SHPRH: variants seen among roughly 807,000 people sequenced by gnomAD.
SHPRH encodes the protein E3 ubiquitin-protein ligase SHPRH.
Under a neutral mutation model 202.5 loss-of-function variants are expected in SHPRH, and 106 were observed. The observed-to-expected ratio is 0.52, with a 90% CI of 0.45 to 0.62. SHPRH has a LOEUF of 0.62. Among genes scored for constraint, SHPRH ranks in the 20% least tolerant of loss-of-function variants. The probability of loss-of-function intolerance (pLI) is 0.00; values close to 1 mark genes in which losing one functional copy is unlikely to be tolerated. For missense variants in SHPRH, 1,710 were observed against 2,020.0 expected, an observed-to-expected ratio of 0.85 and a Z score of 2.94; for synonymous variants, 729 against 686.0, an observed-to-expected ratio of 1.06 and a Z score of -0.98.
intron 25 of SHPRH, among the ~76,000 whole-genome samples, chr6:145,899,359 A>G (rs763171186): frequency 6.6e-6 from 1 of 152,138 alleles, no homozygotes; most frequent in Non-Finnish European, 1.5e-5. Context: ...AGACCAATGG[A>G]ACAGGAGAGA....
At position 145,923,270 on chromosome 6, in the gene SHPRH, A is replaced by AAT. The variant is rs141635836; in HGVS notation, c.3545+371_3545+372dup. Among the ~76,000 whole-genome samples the AAT allele has an allele frequency of 3.9e-3, 593 of 150,426 alleles. 5 individuals carry two copies. Among genetic ancestry groups the AAT allele is most frequent in the African/African-American group, 0.011 (457 of 41,188 alleles). ...GGCTAAGAGTTATATTCCTTGGTTGAATATATATATATATGTATATATACT... is the reference window on the plus strand; with the variant it reads ...GGCTAAGAGTTATATTCCTTGGTTGAATATATATATATATATGTATATATACT... On this transcript the variant is annotated intron_variant, in intron 18 of 29. Transcript: ENST00000275233.
chr6:145,871,972 G>T (rs1007842580), intron 2 of SHPRH, among the ~76,000 whole-genome samples: 1 of 152,166 alleles, frequency 6.6e-6, no homozygotes, highest in Admixed American at 6.5e-5. Flanking sequence ...AATAAATGGT[G>T]CTGGGAGAAC....
chr6:145,939,214 G>C (rs111884512), intron 11 of SHPRH, among the ~76,000 whole-genome samples: 4 of 152,140 alleles, frequency 2.6e-5, no homozygotes, highest in African/African-American at 9.7e-5. Flanking sequence ...GAGAGATATG[G>C]AAGTGAGGAA....
Position 145,886,077 on chromosome 6 carries a change from T to C in SHPRH, c.*614A>G, listed in dbSNP as rs913874920. The C allele has an allele frequency of 6.0e-6, 1 of 165,720 alleles. No individual in the cohort carries two copies. Among genetic ancestry groups the C allele is most frequent in the East Asian group, 1.6e-4 (1 of 6,174 alleles). 10.3% of individuals were successfully genotyped at this position (165,720 alleles called of 1,614,324 possible). ...TTACACATAATAGAAATATGAATAT[T>C]TTCATTGTTTTTGTTTTCAGTAGCA... On this transcript the variant is annotated 3_prime_UTR_variant, in exon 30 of 30. Coordinates refer to ENST00000275233, the MANE Select transcript of SHPRH (RefSeq NM_001042683.3).
chr6:145,864,943 TCACACACA>T (rs71552940), intron 2 of SHPRH, among the ~76,000 whole-genome samples: 22 of 102,702 alleles, frequency 2.1e-4, no homozygotes, highest in African/African-American at 4.8e-4. Context: ...ACACACACAC[TCACACACA>T]CACACACACA....
intron 2 of SHPRH, among the ~76,000 whole-genome samples, chr6:145,867,623 T>TAGAG (rs1562268495): frequency 2.2e-4 from 15 of 68,434 alleles, no homozygotes; most frequent in African/African-American, 8.1e-4. Context: ...TATATATATA[T>TAGAG]ATATATATAG....
rs920445029 is a variant in SHPRH at position 145,901,673 on chromosome 6, G to A, written c.4516-6696C>T. On this transcript the variant is annotated intron_variant, in intron 25 of 29. Transcript: ENST00000275233. ...TATGCATTAGGGAAGACTGTACATGGGAACAGAAATCCCATACAACTGCTA... is the reference window on the plus strand; with the variant it reads ...TATGCATTAGGGAAGACTGTACATGAGAACAGAAATCCCATACAACTGCTA... Among the ~76,000 whole-genome samples, 5 of 152,136 alleles carry A rather than the reference G, an allele frequency of 3.3e-5. No individual in the cohort carries two copies. In the East Asian group the frequency reaches 5.8e-4, roughly 18 times the overall value.
chr6:145,915,603 TTC>T (rs552534782), intron 23 of SHPRH, among the ~76,000 whole-genome samples: 3 of 152,210 alleles, frequency 2.0e-5, no homozygotes, highest in African/African-American at 7.2e-5. Flanking sequence ...TTTGAAGATG[TTC>T]CAATGTCAAC....
downstream of SHPRH, among the ~76,000 whole-genome samples, chr6:145,881,923 G>C (rs903247611): frequency 6.6e-6 from 1 of 152,010 alleles, no homozygotes; most frequent in East Asian, 1.9e-4. Flanking sequence ...GGGCAACATA[G>C]CGAAACGCTG....
chr6:145,904,952 C>T (rs7762880), intron 25 of SHPRH: 1 of 151,998 alleles, frequency 6.6e-6, no homozygotes. Flanking sequence ...TGTAACTGTG[C>T]CAATCTCTAT....
intron 13 of SHPRH, among the ~76,000 whole-genome samples, chr6:145,934,152 A>C (rs1339570345): frequency 6.6e-6 from 1 of 152,086 alleles, no homozygotes; most frequent in Non-Finnish European, 1.5e-5. Flanking sequence ...CAGCTCAGGC[A>C]ACATAGCGAG....
chr6:145,880,490 G>A (rs1057006469), downstream of SHPRH, among the ~76,000 whole-genome samples: 99 of 152,110 alleles, frequency 6.5e-4, no homozygotes, highest in African/African-American at 2.3e-3. Flanking sequence ...TCATCCTAGT[G>A]TGGTGGCATG....
chr6:145,921,458 G>A (rs1583402300), intron 20 of SHPRH, 66 bp from the exon 21 acceptor site: 2 of 1,439,498 alleles, frequency 1.4e-6, no homozygotes, highest in East Asian at 2.3e-5. Flanking sequence ...CCTTCAATGT[G>A]AGTTCTAAAA....
Position 145,934,957 on chromosome 6 carries a change from G to C in SHPRH, c.2940C>G (p.Ala980=). The change falls in exon 13 of 30, where the codon GCC becomes GCG. Residue 980 remains alanine (A), a synonymous_variant. Coordinates refer to ENST00000275233, the MANE Select transcript of SHPRH (RefSeq NM_001042683.3). ...ILYPLLRLRQ[A]CCHPQAVRGE... Reference sequence around the variant, plus strand: ...CACGAACAGCCTGTGGGTGACAGCAGGCCTGTCTGAGCCTCAGCAATGGAT... The same window carrying C: ...CACGAACAGCCTGTGGGTGACAGCACGCCTGTCTGAGCCTCAGCAATGGAT... 1 of 1,613,428 alleles carries C rather than the reference G, an allele frequency of 6.2e-7. No individual in the cohort carries two copies.
chr6:145,924,981 T>G (rs559337378), intron 16 of SHPRH, 135 bp from the exon 17 acceptor site: 8 of 530,652 alleles, frequency 1.5e-5, no homozygotes, highest in Non-Finnish European at 2.4e-5. Flanking sequence ...CCAAGTATAC[T>G]GTAGAGAACA....
chr6:145,922,603 T>C, intron 19 of SHPRH, 60 bp downstream of exon 19: 2 of 1,516,888 alleles, frequency 1.3e-6, no homozygotes, highest in Middle Eastern at 1.8e-4. Flanking sequence ...GTTTCTTCTC[T>C]AAGAAATCTA....
intron 11 of SHPRH, among the ~76,000 whole-genome samples, chr6:145,937,109 G>T (rs556088921): frequency 3.3e-5 from 5 of 150,290 alleles, no homozygotes; most frequent in Non-Finnish European, 7.4e-5. Context: ...TCAGCCTCCC[G>T]ACTAGCTGGG....
chr6:145,918,062 G>T, intron 23 of SHPRH, 69 bp downstream of exon 23: 2 of 1,162,386 alleles, frequency 1.7e-6, no homozygotes, highest in Non-Finnish European at 2.5e-6. Flanking sequence ...CATTAATTAT[G>T]AAAGGAGTCA....
intron 1 of SHPRH, among the ~76,000 whole-genome samples, chr6:145,957,526 A>T (rs992693644): frequency 5.9e-5 from 9 of 152,198 alleles, no homozygotes; most frequent in African/African-American, 1.9e-4. Flanking sequence ...ACAAACATTT[A>T]AAAAAGTCAA....
Sources: allele counts gnomAD v4.1 joint callset (sites outside exome capture counted in the v4.1 genomes callset), GRCh38; gene constraint gnomAD v4.1.1; transcripts MANE v1.5; gene names NCBI Gene and HGNC (gene_info 2026-07-23, HGNC 2026-07-21).